Variants in TIAM1 observed in about 807,000 individuals in gnomAD.
TIAM1 encodes TIAM Rac1 associated GEF 1.
A neutral mutation model predicts 163.5 loss-of-function variants in TIAM1; 65 were observed. The ratio of observed to expected loss-of-function variants is 0.40; its 90% CI spans 0.33 to 0.49. The LOEUF is 0.49. TIAM1 is among the 20% of genes least tolerant of loss of function. TIAM1 has a pLI of 0.77. For synonymous variants in TIAM1, 833 were observed against 810.1 expected (o/e 1.03, Z -0.48); for missense variants, 1,789 against 2,044.7 (o/e 0.87, Z 2.41).
intron 2 of TIAM1, among the ~76,000 whole-genome samples, chr21:31,296,952 T>C (rs914300819): frequency 4.6e-5 from 7 of 152,066 alleles, no homozygotes; most frequent in South Asian, 4.1e-4. Context: ...CATGAGCCAC[T>C]GCATCTGGCC....
chr21:31,395,319 ACTTCTAGAGAAGTGACAAATGGCCC>A lies in TIAM1; in HGVS notation c.-368-55922_-368-55898del, dbSNP rs2077046438. Among the ~76,000 whole-genome samples, 1 of 152,064 alleles carries A rather than the reference ACTTCTAGAGAAGTGACAAATGGCCC, an allele frequency of 6.6e-6. No homozygotes were observed. Among genetic ancestry groups the A allele is most frequent in the African/African-American group, 2.4e-5 (1 of 41,410 alleles). ...AGATGTCACTACGTCTCAGGGGGCT[ACTTCTAGAGAAGTGACAAATGGCCC>A]CACACACAGATCACTGCTTGCCTCC... is the stretch of plus-strand genomic sequence containing the variant. On this transcript the variant is annotated intron_variant, in intron 2 of 28. Coordinates refer to the TIAM1 transcript ENST00000286827. This position sits in a 1 kb window ranked among gnomAD's most constrained non-coding sequence, Gnocchi z 7.5.
At chr21:31,340,909 G>A (rs900865462) in intron 1 of TIAM1, among the ~76,000 whole-genome samples, 1 of 151,562 alleles carries the variant, frequency 6.6e-6, no homozygotes, top group African/African-American at 2.4e-5. Context: ...GATAAAAATT[G>A]GAGGGAAGAA....
chr21:31,253,566 T>C (rs75309935), intron 4 of TIAM1, among the ~76,000 whole-genome samples: 8,560 of 152,184 alleles, frequency 0.056, 316 homozygotes, highest in Non-Finnish European at 0.081. Context: ...AATAAGCAAC[T>C]AAAAGAGATG....
At position 31,551,640 on chromosome 21, in the gene TIAM1, G is replaced by C. The variant is rs377189594; in HGVS notation, c.-422+7287C>G. 1.9e-3 allele frequency among the ~76,000 whole-genome samples: 287 copies of C among 152,270 alleles called. 2 individuals carry two copies. The highest frequency in any genetic ancestry group is 6.7e-3 in the African/African-American group (278 of 41,554). On this transcript the variant is annotated intron_variant, in intron 1 of 28. Transcript: ENST00000286827. ...CACCTGTAGTCCCAGCTACTCCAAA[G>C]GCTGAGGCAGGAGGATCGCTTGAGC...
intron 2 of TIAM1, among the ~76,000 whole-genome samples, chr21:31,429,550 T>G (rs981895478): frequency 6.6e-6 from 1 of 152,150 alleles, no homozygotes; most frequent in African/African-American, 2.4e-5. Context: ...AAGTGGGACC[T>G]CATTTCCCAG....
intron 14 of TIAM1, among the ~76,000 whole-genome samples, chr21:31,186,770 G>C (rs2085325198): frequency 6.6e-6 from 1 of 151,852 alleles, no homozygotes; most frequent in South Asian, 2.1e-4. Context: ...GATAGAGCAA[G>C]ACCTTGTCTC....
intron 15 of TIAM1, among the ~76,000 whole-genome samples, chr21:31,169,289 G>A (rs1014068171): frequency 3.9e-4 from 59 of 150,036 alleles, no homozygotes; most frequent in African/African-American, 1.4e-3. Context: ...GTGAGACTCC[G>A]TCTCAAATAA....
intron 11 of TIAM1, among the ~76,000 whole-genome samples, chr21:31,208,385 C>A (rs1229528946): frequency 1.3e-5 from 2 of 152,184 alleles, no homozygotes; most frequent in Non-Finnish European, 2.9e-5. Flanking sequence ...ACTTTTAACA[C>A]CTTCATCTGC....
intron 4 of TIAM1, among the ~76,000 whole-genome samples, chr21:31,256,460 AG>A: frequency 6.6e-6 from 1 of 152,152 alleles, no homozygotes; most frequent in Admixed American, 6.6e-5. Flanking sequence ...ACTGAATTCC[AG>A]GGGGTAAAGA....
At chr21:31,315,937 A>C (rs1230299247) in intron 2 of TIAM1, among the ~76,000 whole-genome samples, 1 of 152,186 alleles carries the variant, frequency 6.6e-6, no homozygotes, top group Non-Finnish European at 1.5e-5. Flanking sequence ...AGATCGCGCC[A>C]CTGCACTCCA....
intron 1 of TIAM1, among the ~76,000 whole-genome samples, chr21:31,486,520 G>C (rs1448108927): frequency 1.3e-5 from 2 of 152,354 alleles, no homozygotes; most frequent in Non-Finnish European, 2.9e-5. Context: ...ATTTAATTTA[G>C]GTCCGACAAA....
At chr21:31,520,291 A>G (rs2147493136) in intron 1 of TIAM1, among the ~76,000 whole-genome samples, 1 of 151,608 alleles carries the variant, frequency 6.6e-6, no homozygotes, top group South Asian at 2.1e-4. Context: ...AGATCGCGCC[A>G]TTGCACTCCA....
At chr21:31,493,325 C>T (rs373570490) in intron 1 of TIAM1, among the ~76,000 whole-genome samples, 238 of 152,158 alleles carry the variant, frequency 1.6e-3, no homozygotes, top group Middle Eastern at 6.8e-3. Context: ...ACACATATAA[C>T]CTAAGACACA....
At chr21:31,151,483 A>T (rs1261798427) in intron 19 of TIAM1, among the ~76,000 whole-genome samples, 3 of 152,182 alleles carry the variant, frequency 2.0e-5, no homozygotes, top group African/African-American at 7.2e-5. Flanking sequence ...TTGGTATGGG[A>T]TTCCACCAAT....
chr21:31,338,809 CTT>C (rs1226112460), intron 2 of TIAM1, among the ~76,000 whole-genome samples: 1 of 152,196 alleles, frequency 6.6e-6, no homozygotes, highest in Non-Finnish European at 1.5e-5. Flanking sequence ...AACAAAACCA[CTT>C]AGCAGTTTAC....
chr21:31,302,677 G>C (rs781350028), intron 2 of TIAM1, among the ~76,000 whole-genome samples: 79 of 152,042 alleles, frequency 5.2e-4, no homozygotes, highest in Non-Finnish European at 1.6e-4. Context: ...ACATCTAAGA[G>C]ATTTTCTTTT....
At chr21:31,538,195 T>C (rs2048201245) in intron 1 of TIAM1, among the ~76,000 whole-genome samples, 1 of 152,206 alleles carries the variant, frequency 6.6e-6, no homozygotes, top group African/African-American at 2.4e-5. Flanking sequence ...ACAAATACAA[T>C]AACGTACACT....
chr21:31,124,720 T>C, intron 26 of TIAM1, 26 bp from the exon 27 acceptor site: 1 of 1,536,394 alleles, frequency 6.5e-7, no homozygotes, highest in Non-Finnish European at 8.8e-7. Context: ...TTACAGATGT[T>C]AGAGAATCAG....
At position 31,251,885 on chromosome 21, in the gene TIAM1, G is replaced by T; in HGVS notation, c.1268C>A (p.Ser423Ter). 1 of 1,613,814 alleles carries T rather than the reference G, an allele frequency of 6.2e-7. No individual in the cohort carries two copies. Among genetic ancestry groups the T allele is most frequent in the Non-Finnish European group, 8.5e-7 (1 of 1,179,922 alleles). ...SSGTLSSPGQ[S>*]DILLTAAQGT... The stretch of plus-strand genomic sequence containing the variant: ...CTGTGCGGCGGTCAGCAGGATGTCC[G>T]ACTGGCCCGGAGAGCTCAGGGTGCC... The change falls in exon 5 of 28, where the codon TCG (serine) becomes TAG (stop). Residue 423 changes from serine to a stop codon, truncating the protein, a stop_gained. Coordinates refer to ENST00000541036, the MANE Select transcript of TIAM1 (RefSeq NM_001353694.2). LOFTEE classifies it high-confidence loss of function.
Sources: allele counts gnomAD v4.1 joint callset (sites outside exome capture counted in the v4.1 genomes callset), GRCh38; gene constraint gnomAD v4.1.1; non-coding constraint Gnocchi (gnomAD v3.1); transcripts MANE v1.5; gene names NCBI Gene and HGNC (gene_info 2026-07-23, HGNC 2026-07-21).